The following RYR2 variants were observed in gnomAD, a reference collection of about 807,000 sequenced individuals.
RYR2 encodes the protein ryanodine receptor 2.
RYR2 carries 227 observed loss-of-function variants against 601.1 expected under a neutral mutation model. That is an observed-to-expected ratio of 0.38 (90% CI 0.34 to 0.42). The LOEUF is 0.42. Among genes scored for constraint, RYR2 ranks in the 10% least tolerant of loss-of-function variants. RYR2 has a pLI of 1.00. For missense variants in RYR2, 4,646 were observed against 6,156.5 expected, an observed-to-expected ratio of 0.75 and a Z score of 8.21; for synonymous variants, 2,223 against 2,175.1, an observed-to-expected ratio of 1.02 and a Z score of -0.61.
intron 89 of RYR2, among the ~76,000 whole-genome samples, chr1:237,782,931 C>T (rs952717264): frequency 6.6e-6 from 1 of 152,154 alleles, no homozygotes; most frequent in African/African-American, 2.4e-5. Flanking sequence ...CTTACTGCTT[C>T]TCCGATTGAC....
intron 33 of RYR2, among the ~76,000 whole-genome samples, chr1:237,594,922 T>TTTTTTG (rs1675711943): frequency 1.0e-5 from 1 of 99,306 alleles, no homozygotes; most frequent in African/African-American, 3.3e-5. Flanking sequence ...TTTTTTTTTT[T>TTTTTTG]TTTTTTTTTG....
chr1:237,424,801 T>C (rs1705975939), intron 12 of RYR2, among the ~76,000 whole-genome samples: 1 of 152,158 alleles, frequency 6.6e-6, no homozygotes, highest in Non-Finnish European at 1.5e-5. Context: ...TGTCACAGCA[T>C]AGGATTGGCA....
At chr1:237,124,269 G>A (rs896067920) in intron 1 of RYR2, among the ~76,000 whole-genome samples, 1 of 152,186 alleles carries the variant, frequency 6.6e-6, no homozygotes, top group Non-Finnish European at 1.5e-5. Context: ...ACATGTAGAG[G>A]TCATCTATTC....
intron 1 of RYR2, among the ~76,000 whole-genome samples, chr1:237,233,861 AT>A (rs201152635): frequency 3.9e-4 from 57 of 144,618 alleles, no homozygotes; most frequent in Admixed American, 6.2e-4. Context: ...TAATTTTTGT[AT>A]TTTTTTTTTT....
At position 237,442,506 on chromosome 1, in the gene RYR2, A is replaced by G. The variant is rs1037516867; in HGVS notation, c.1170+1023A>G. Reference sequence around the variant, plus strand: ...ATCCACAGTACAGTTACATAGCATTAAGGTAATTCTATTACATCATTGACT... The same window carrying G: ...ATCCACAGTACAGTTACATAGCATTGAGGTAATTCTATTACATCATTGACT... On this transcript the variant is annotated intron_variant, in intron 13 of 104. Transcript: ENST00000366574. 5.3e-5 allele frequency among the ~76,000 whole-genome samples: 8 copies of G among 152,306 alleles called. No individual in the cohort carries two copies. In the East Asian group the frequency reaches 1.2e-3, roughly 22 times the overall value.
intron 1 of RYR2, among the ~76,000 whole-genome samples, chr1:237,154,201 T>C (rs983205543): frequency 6.6e-6 from 1 of 152,238 alleles, no homozygotes; most frequent in Non-Finnish European, 1.5e-5. Flanking sequence ...GATTCTGGGC[T>C]TCTCTTCAAT....
chr1:237,281,177 A>T (rs1458967245), intron 2 of RYR2, among the ~76,000 whole-genome samples: 3 of 152,200 alleles, frequency 2.0e-5, no homozygotes, highest in Non-Finnish European at 4.4e-5. Flanking sequence ...TGAAATTCCC[A>T]AAATAGAAGG....
chr1:237,638,268 C>T, intron 44 of RYR2, 89 bp from the exon 45 acceptor site: 1 of 1,561,690 alleles, frequency 6.4e-7, no homozygotes, highest in Admixed American at 1.9e-5. Flanking sequence ...TAAAAGCATC[C>T]TTTAAGGATG....
intron 44 of RYR2, among the ~76,000 whole-genome samples, chr1:237,635,580 G>A (rs1243276154): frequency 1.3e-5 from 2 of 152,148 alleles, no homozygotes; most frequent in South Asian, 2.1e-4. Flanking sequence ...AGTTGCAATA[G>A]CATTCCAAGT....
At chr1:237,262,214 T>C (rs558371995) in intron 1 of RYR2, among the ~76,000 whole-genome samples, 1 of 148,844 alleles carries the variant, frequency 6.7e-6, no homozygotes, top group East Asian at 2.0e-4. Flanking sequence ...CTGGCCTTTC[T>C]TCCATAAATA....
chr1:237,808,403 G>C (rs548467224), intron 99 of RYR2, among the ~76,000 whole-genome samples: 1 of 152,118 alleles, frequency 6.6e-6, no homozygotes, highest in African/African-American at 2.4e-5. Context: ...GCTCACGCCT[G>C]TAATCCCAGC....
intron 3 of RYR2, among the ~76,000 whole-genome samples, chr1:237,343,002 A>C (rs1274984060): frequency 6.6e-6 from 1 of 152,186 alleles, no homozygotes; most frequent in Non-Finnish European, 1.5e-5. Context: ...TGAGCCCAGG[A>C]GTTTGAGACC....
chr1:237,277,948 T>C (rs1408959197), intron 2 of RYR2, among the ~76,000 whole-genome samples: 1 of 152,248 alleles, frequency 6.6e-6, no homozygotes, highest in Non-Finnish European at 1.5e-5. Flanking sequence ...GTATTTATTA[T>C]GTTTTTATCA....
chr1:237,345,867 T>C (rs1698260130), intron 3 of RYR2, among the ~76,000 whole-genome samples: 2 of 152,300 alleles, frequency 1.3e-5, no homozygotes, highest in Middle Eastern at 6.8e-3. Flanking sequence ...CTTATTCTTC[T>C]TGACTATTTA....
chr1:237,539,393 G>C (rs1372222927), intron 25 of RYR2, among the ~76,000 whole-genome samples: 1 of 152,164 alleles, frequency 6.6e-6, no homozygotes, highest in Admixed American at 6.6e-5. Context: ...CAGTATCATA[G>C]CAGAATAACC....
At chr1:237,120,159 TAATA>T (rs1670616381) in intron 1 of RYR2, among the ~76,000 whole-genome samples, 1 of 152,202 alleles carries the variant, frequency 6.6e-6, no homozygotes, top group African/African-American at 2.4e-5. Context: ...TAAAATGGTT[TAATA>T]GTCATTTTTT....
At chr1:237,492,198 A>C (rs1204737477) in intron 18 of RYR2, among the ~76,000 whole-genome samples, 1 of 152,036 alleles carries the variant, frequency 6.6e-6, no homozygotes, top group Non-Finnish European at 1.5e-5. Flanking sequence ...TGCCCGGCTA[A>C]TTTTTGTATT....
intron 76 of RYR2, among the ~76,000 whole-genome samples, chr1:237,727,934 C>T (rs1055138521): frequency 6.6e-6 from 1 of 152,050 alleles, no homozygotes; most frequent in African/African-American, 2.4e-5. Context: ...GAAGTTTATA[C>T]AAATTGCATC....
At chr1:237,452,227 ATTATG>A (rs1441475489) in intron 14 of RYR2, among the ~76,000 whole-genome samples, 32 of 147,088 alleles carry the variant, frequency 2.2e-4, no homozygotes, top group Middle Eastern at 7.2e-3. Flanking sequence ...TAATGGATAT[ATTATG>A]TAGTATATTA....
Sources: allele counts gnomAD v4.1 joint callset (sites outside exome capture counted in the v4.1 genomes callset), GRCh38; gene constraint gnomAD v4.1.1; transcripts MANE v1.5; gene names NCBI Gene and HGNC (gene_info 2026-07-23, HGNC 2026-07-21).